Variants in NSMF observed in about 807,000 individuals in gnomAD.
NSMF encodes nasal embryonic LHRH factor.
A neutral mutation model predicts 71.0 loss-of-function variants in NSMF; 31 were observed. The ratio of observed to expected loss-of-function variants is 0.44; its 90% CI spans 0.33 to 0.59. NSMF has a LOEUF of 0.59. NSMF is among the 20% of genes least tolerant of loss of function. The pLI is 0.04. For missense variants in NSMF, 673 were observed against 740.5 expected (o/e 0.91, Z 1.06); for synonymous variants, 345 against 287.1 (o/e 1.20, Z -2.04).
rs1830785212 is a variant in NSMF, at chr9:137,455,440, C to T, written c.711-133G>A. Reference sequence around the variant, plus strand: ...GGCCCGGCAGAGGAGTCCCAGCCTGCCTCACCTGTCGAGGCCCAGCTCCCA... The same window carrying T: ...GGCCCGGCAGAGGAGTCCCAGCCTGTCTCACCTGTCGAGGCCCAGCTCCCA... On this transcript the variant is annotated intron_variant, in intron 5 of 15. Coordinates refer to ENST00000371475, the MANE Select transcript of NSMF (RefSeq NM_001130969.3). 43 of 1,165,188 alleles carry T rather than the reference C, an allele frequency of 3.7e-5. 1 individual carries two copies. In the South Asian group the frequency reaches 4.0e-4, roughly 11 times the overall value. The allele number at this position is 1,165,188 out of a possible 1,614,324, so 72.2% of individuals were successfully genotyped here.
In NSMF at chr9:137,453,430, A is replaced by C. The variant is rs1830648550; in HGVS notation, c.923-250T>G. The C allele has an allele frequency of 4.9e-6, 3 of 611,924 alleles. No individual in the cohort carries two copies. The highest frequency in any genetic ancestry group is 5.9e-5 in the Admixed American group (2 of 33,732). 37.9% of individuals were successfully genotyped at this position (611,924 alleles called of 1,614,324 possible). On this transcript the variant is annotated intron_variant, in intron 8 of 15. Coordinates refer to ENST00000371475, the MANE Select transcript of NSMF (RefSeq NM_001130969.3). The surrounding 1 kb of genome is among the most constrained non-coding windows in gnomAD (Gnocchi z 4.5). ...CGCGTGCAGGCATCAGCTCCAGCCA[A>C]GTCCGCCGGGCGCCTGGGAGGGAGT...
At chr9:137,455,551 C>T in intron 5 of NSMF, 78 bp downstream of exon 5, 2 of 1,507,854 alleles carry the variant, frequency 1.3e-6, no homozygotes, top group Non-Finnish European at 9.0e-7. Flanking sequence ...CCTGGCCTGC[C>T]CAAACCTATT....
intron 4 of NSMF, among the ~76,000 whole-genome samples, chr9:137,455,959 G>C (rs1172557257): frequency 6.6e-6 from 1 of 152,246 alleles, no homozygotes; most frequent in Non-Finnish European, 1.5e-5. Context: ...GAACTTCCCT[G>C]GAAGGAATCC....
rs1212893956 is a variant in NSMF at position 137,452,539 on chromosome 9, A to C, written c.1165+14T>G. 1.2e-6 allele frequency: 2 copies of C among 1,612,486 alleles called. No homozygotes were observed. Among genetic ancestry groups the C allele is most frequent in the East Asian group, 4.5e-5 (2 of 44,838 alleles). ...GCCTGGAACCAGCAGAGAGAAGGCCAATGAGGCACATACCAAGGATGTCCT... is the reference window on the plus strand; with the variant it reads ...GCCTGGAACCAGCAGAGAGAAGGCCCATGAGGCACATACCAAGGATGTCCT... On this transcript the variant is annotated intron_variant, in intron 11 of 15. Coordinates refer to ENST00000371475, the MANE Select transcript of NSMF (RefSeq NM_001130969.3).
chr9:137,449,920 T>C lies in NSMF; in HGVS notation c.1419+3A>G, dbSNP rs369199677. 6.7e-5 allele frequency: 108 copies of C among 1,611,050 alleles called. No individual in the cohort carries two copies. In the Admixed American group the frequency reaches 1.8e-3, roughly 26 times the overall value. On this transcript the variant is annotated splice_donor_region_variant and intron_variant, in intron 14 of 15. Coordinates refer to ENST00000371475, the MANE Select transcript of NSMF (RefSeq NM_001130969.3). ...CTGGGGTGGGGCTTGGGGGTCACTG[T>C]ACCTTCTCTCCATTGGGGTTCCCCA...
At chr9:137,452,684 G>T (rs775468267) in intron 10 of NSMF, 52 bp downstream of exon 10, 4 of 1,600,988 alleles carry the variant, frequency 2.5e-6, no homozygotes, top group Non-Finnish European at 3.4e-6. Context: ...GCTGGCCCAG[G>T]GTGGGGCCGC....
chr9:137,457,561 C>T lies in NSMF; in HGVS notation c.474G>A (p.Ala158=), dbSNP rs1017925593. 2.1e-5 allele frequency: 34 copies of T among 1,585,688 alleles called. No homozygotes were observed. Among genetic ancestry groups the T allele is most frequent in the Non-Finnish European group, 2.6e-5 (30 of 1,166,812 alleles). The change falls in exon 3 of 16, where the codon GCG becomes GCA. Residue 158 remains alanine (A), a synonymous_variant. Coordinates refer to ENST00000371475, the MANE Select transcript of NSMF (RefSeq NM_001130969.3). ...ACTCCTTGGAGCCCTGGCGGCTGCC[C>T]GCCCAGCTCTGGCAGGGCCTGCTGA... ...EDVSRPCQSW[A]GSRQGSKECP...
intron 5 of NSMF, 77 bp from the exon 6 acceptor site, chr9:137,455,384 C>T: frequency 6.6e-7 from 1 of 1,524,100 alleles, no homozygotes; most frequent in Non-Finnish European, 9.1e-7. Context: ...GTGGTGCGAG[C>T]AGAGGGCCCA....
chr9:137,448,521 C>T lies in NSMF; in HGVS notation c.*873G>A, dbSNP rs1017373525. ...CAGCGAGTTTCTCAAAACCCAGGGC[C>T]CAGCCCCAGCTGGGCCCCTGCCAAG... On this transcript the variant is annotated 3_prime_UTR_variant, in exon 16 of 16. Coordinates refer to ENST00000371475, the MANE Select transcript of NSMF (RefSeq NM_001130969.3). The surrounding 1 kb of genome is among the most constrained non-coding windows in gnomAD (Gnocchi z 5.3). 1 of 152,200 alleles carries T rather than the reference C, an allele frequency of 6.6e-6. No homozygotes were observed. Among genetic ancestry groups the T allele is most frequent in the Non-Finnish European group, 1.5e-5 (1 of 68,056 alleles). 9.4% of individuals were successfully genotyped at this position (152,200 alleles called of 1,614,324 possible). A position where few individuals can be genotyped will look rare whatever the true frequency, so the allele number is the denominator to read the frequency against.
At chr9:137,456,280 C>T (rs1830829749) in intron 4 of NSMF, 131 bp downstream of exon 4, 1 of 802,570 alleles carries the variant, frequency 1.2e-6, no homozygotes, top group Non-Finnish European at 2.2e-6. Flanking sequence ...AGGCCTGGCA[C>T]AGCATAGGCA....
rs770270699 is a variant in NSMF, at chr9:137,452,349, G to A, written c.1236+16C>T. The A allele has an allele frequency of 5.6e-6, 9 of 1,606,780 alleles. No homozygotes were observed. Among genetic ancestry groups the A allele is most frequent in the Admixed American group, 1.7e-5 (1 of 59,534 alleles). ...ACGATTCTTCTCCTGGTCAGGAGAC[G>A]AGCACTGAGCCCCACCTGGCAGAAA... On this transcript the variant is annotated intron_variant, in intron 12 of 15. Coordinates refer to ENST00000371475, the MANE Select transcript of NSMF (RefSeq NM_001130969.3).
intron 13 of NSMF, 35 bp from the exon 14 acceptor site, chr9:137,450,060 G>GACGGGTCACCCAGTGGCAGGGT (rs748327808): frequency 1.6e-5 from 26 of 1,598,690 alleles, no homozygotes; most frequent in Admixed American, 1.5e-4. Context: ...AGTGGCAGGG[G>GACGGGTCACCCAGTGGCAGGGT]ACAGGCACCC....
At chr9:137,456,563 A>C in intron 3 of NSMF, 77 bp from the exon 4 acceptor site, 1 of 730,532 alleles carries the variant, frequency 1.4e-6, no homozygotes, top group Non-Finnish European at 2.3e-6. Flanking sequence ...TGGGAAGCAG[A>C]TGCTTCTGGG....
At chr9:137,451,065 TC>T (rs1186298981) in intron 12 of NSMF, among the ~76,000 whole-genome samples, 1 of 40,870 alleles carries the variant, frequency 2.4e-5, no homozygotes, top group Non-Finnish European at 4.5e-5. Flanking sequence ...CCCCTTGATC[TC>T]CCCCTCCACA....
intron 7 of NSMF, 139 bp downstream of exon 7, chr9:137,454,252 T>C (rs1588503774): frequency 1.3e-6 from 1 of 793,476 alleles, no homozygotes; most frequent in East Asian, 2.8e-5. Flanking sequence ...GCTGGGGAAG[T>C]GGCTGGAAGG....
chr9:137,452,658 G>A (rs1444470671), intron 10 of NSMF, 72 bp from the exon 11 acceptor site: 5 of 1,604,212 alleles, frequency 3.1e-6, no homozygotes, highest in Non-Finnish European at 4.3e-6. Context: ...GCACCCTGGG[G>A]ACCTGGGGTG....
At position 137,457,815 on chromosome 9, in the gene NSMF, C is replaced by G. The variant is rs749151845; in HGVS notation, c.220G>C (p.Val74Leu). 6.4e-7 allele frequency: 1 copy of G among 1,557,780 alleles called. No homozygotes were observed. Among genetic ancestry groups the G allele is most frequent in the African/African-American group, 1.4e-5 (1 of 73,778 alleles). Reference sequence around the variant, plus strand: ...CTGCCCTCGTAGCAGCCGTTGGAGACGAGGGACAGGCGGCGCTTGTTCTGG... The same window carrying G: ...CTGCCCTCGTAGCAGCCGTTGGAGAGGAGGGACAGGCGGCGCTTGTTCTGG... Reference protein sequence around the residue: ...APQNKRRLSLVSNGCYEGSLS... With the variant: ...APQNKRRLSLLSNGCYEGSLS... Residue 74 changes from valine (V) to leucine (L), a missense_variant, in exon 3 of 16, where the codon GTC becomes CTC. Coordinates refer to ENST00000371475, the MANE Select transcript of NSMF (RefSeq NM_001130969.3).
At chr9:137,456,174 A>G (rs1830821118) in intron 4 of NSMF, among the ~76,000 whole-genome samples, 1 of 145,436 alleles carries the variant, frequency 6.9e-6, no homozygotes, top group Non-Finnish European at 1.5e-5. Flanking sequence ...CATCAGCTGC[A>G]GCCCTGGGCC....
chr9:137,459,229 CTCGGGCTTGGGCTCGGGG>C lies in NSMF; in HGVS notation c.-145_-128del. On this transcript the variant is annotated 5_prime_UTR_variant, in exon 1 of 16. Transcript: ENST00000371475. ...GCTCGGGGTCTCGCTCGGGCTCCGG[CTCGGGCTTGGGCTCGGGG>C]TCGGGCTCGGGGTCGGGCCCGGTCC... The C allele has an allele frequency of 3.0e-6, 2 of 664,224 alleles. No individual in the cohort carries two copies. Among genetic ancestry groups the C allele is most frequent in the Non-Finnish European group, 3.8e-6 (2 of 523,238 alleles). The allele number at this position is 664,224 out of a possible 1,614,324, so 41.1% of individuals were successfully genotyped here.
Sources: allele counts gnomAD v4.1 joint callset (sites outside exome capture counted in the v4.1 genomes callset), GRCh38; gene constraint gnomAD v4.1.1; non-coding constraint Gnocchi (gnomAD v3.1); transcripts MANE v1.5; gene names NCBI Gene and HGNC (gene_info 2026-07-23, HGNC 2026-07-21).